The following PARM1 variants were observed in gnomAD, a reference collection of about 807,000 sequenced individuals.
PARM1 encodes prostate androgen-regulated mucin-like protein 1.
PARM1 carries 14 observed loss-of-function variants against 24.6 expected under a neutral mutation model. The observed-to-expected ratio is 0.57, with a 90% CI of 0.38 to 0.89. The LOEUF (loss-of-function observed/expected upper bound fraction) is 0.89, where lower values mean the gene tolerates loss of function less well. Among genes scored for constraint, PARM1 ranks in the 40% least tolerant of loss-of-function variants. The probability of loss-of-function intolerance (pLI) is 0.00; values close to 1 mark genes in which losing one functional copy is unlikely to be tolerated. For synonymous variants in PARM1, 179 were observed against 156.6 expected, an observed-to-expected ratio of 1.14 and a Z score of -1.07; for missense variants, 362 against 380.4, an observed-to-expected ratio of 0.95 and a Z score of 0.40.
In PARM1 at chr4:74,933,996, C is replaced by A. The variant is rs145059788; in HGVS notation, c.43+626C>A. On this transcript the variant is annotated intron_variant, in intron 1 of 3. Coordinates refer to ENST00000307428, the MANE Select transcript of PARM1 (RefSeq NM_015393.4). ...GGCTACCTTCTGCCCCAGAACTCCC[C>A]AAAAACGTATCCCATAGAAGAAACT... 3.4e-3 allele frequency among the ~76,000 whole-genome samples: 520 copies of A among 152,240 alleles called. 5 individuals are homozygous for A. Among genetic ancestry groups the A allele is most frequent in the African/African-American group, 0.012 (505 of 41,526 alleles).
At chr4:74,984,920 A>T (rs1056309988) in intron 1 of PARM1, among the ~76,000 whole-genome samples, 1 of 152,196 alleles carries the variant, frequency 6.6e-6, no homozygotes, top group African/African-American at 2.4e-5. Flanking sequence ...TTAGAGAAAA[A>T]GTTTGCCAAC....
intron 1 of PARM1, among the ~76,000 whole-genome samples, chr4:74,952,606 G>A (rs1433030854): frequency 6.6e-6 from 1 of 152,154 alleles, no homozygotes; most frequent in Non-Finnish European, 1.5e-5. Flanking sequence ...TTTTGTATAA[G>A]GTGTAAGGAA....
intron 1 of PARM1, among the ~76,000 whole-genome samples, chr4:75,002,430 T>C (rs1349357628): frequency 6.6e-6 from 1 of 152,082 alleles, no homozygotes; most frequent in Non-Finnish European, 1.5e-5. Context: ...ACTCAAAGAC[T>C]TTTTATCTTT....
At chr4:75,039,072 G>C (rs1274763523) in intron 3 of PARM1, among the ~76,000 whole-genome samples, 3 of 152,204 alleles carry the variant, frequency 2.0e-5, no homozygotes, top group African/African-American at 4.8e-5. Context: ...GGTTGTTAGA[G>C]TAGGCCCAGC....
At chr4:74,984,247 A>G (rs1159257736) in intron 1 of PARM1, among the ~76,000 whole-genome samples, 2 of 152,234 alleles carry the variant, frequency 1.3e-5, no homozygotes, top group African/African-American at 4.8e-5. Flanking sequence ...GTGGTCTAAA[A>G]ATTGAAAAGT....
chr4:75,028,583 A>G (rs1001873369), intron 2 of PARM1, among the ~76,000 whole-genome samples: 3 of 152,352 alleles, frequency 2.0e-5, no homozygotes, highest in Admixed American at 1.3e-4. Context: ...AGGCATGCAC[A>G]CATACTCAGG....
At chr4:74,934,996 CT>C (rs11392364) in intron 1 of PARM1, among the ~76,000 whole-genome samples, 91 of 116,544 alleles carry the variant, frequency 7.8e-4, no homozygotes, top group African/African-American at 2.8e-3. Flanking sequence ...GCTCTTTTTT[CT>C]TTTTTTTTTT....
At chr4:74,999,722 A>G (rs185951902) in intron 1 of PARM1, among the ~76,000 whole-genome samples, 35 of 152,298 alleles carry the variant, frequency 2.3e-4, no homozygotes, top group African/African-American at 6.5e-4. Context: ...ATGCCATTCT[A>G]ATGAATATGT....
Position 75,022,479 on chromosome 4 carries a change from CTATT to C in PARM1, c.769+9332_769+9335del, listed in dbSNP as rs376865235. The stretch of plus-strand genomic sequence containing the variant: ...GGTAATAAAATCAGCTATTTACTAT[CTATT>C]TAGTTTGTCATGTAGTAGCAATATA... On this transcript the variant is annotated intron_variant, in intron 2 of 3. Coordinates refer to ENST00000307428, the MANE Select transcript of PARM1 (RefSeq NM_015393.4). 1.7e-3 allele frequency among the ~76,000 whole-genome samples: 255 copies of C among 152,280 alleles called. 3 individuals carry two copies. Among genetic ancestry groups the C allele is most frequent in the African/African-American group, 6.0e-3 (249 of 41,550 alleles).
chr4:74,980,063 A>T (rs1722217636), intron 1 of PARM1, among the ~76,000 whole-genome samples: 1 of 152,194 alleles, frequency 6.6e-6, no homozygotes, highest in African/African-American at 2.4e-5. Context: ...GGCACAAGAC[A>T]AAATGCCTTC....
Position 74,944,024 on chromosome 4 carries a change from C to T in PARM1, c.43+10654C>T, listed in dbSNP as rs999034593. Among the ~76,000 whole-genome samples the T allele has an allele frequency of 2.0e-5, 3 of 152,120 alleles. No individual in the cohort carries two copies. The East Asian group carries it at 5.8e-4, about 29-fold the overall frequency. On this transcript the variant is annotated intron_variant, in intron 1 of 3. Coordinates refer to ENST00000307428, the MANE Select transcript of PARM1 (RefSeq NM_015393.4). ...GCAGAAGTCTTGCCTCAAATAAAAC[C>T]TGCACCTTAGCTGAGGTGGGGGAAG... is the stretch of plus-strand genomic sequence containing the variant.
chr4:75,021,302 TTC>T (rs1240362720), intron 2 of PARM1, among the ~76,000 whole-genome samples: 1 of 152,346 alleles, frequency 6.6e-6, no homozygotes, highest in East Asian at 1.9e-4. Context: ...CTAAAGGACT[TTC>T]TGCTGCCCAC....
At chr4:74,988,414 T>G (rs1200686347) in intron 1 of PARM1, among the ~76,000 whole-genome samples, 1 of 152,190 alleles carries the variant, frequency 6.6e-6, no homozygotes, top group Non-Finnish European at 1.5e-5. Flanking sequence ...CGCGTATCAG[T>G]ATACATATTT....
intron 1 of PARM1, among the ~76,000 whole-genome samples, chr4:74,936,514 C>T (rs1206397539): frequency 2.7e-5 from 4 of 148,780 alleles, no homozygotes; most frequent in Non-Finnish European, 4.5e-5. Context: ...AGTGCAGTGG[C>T]GCGATCTCAG....
chr4:75,030,215 T>C (rs1723249927), intron 2 of PARM1, among the ~76,000 whole-genome samples: 1 of 152,200 alleles, frequency 6.6e-6, no homozygotes, highest in Admixed American at 6.5e-5. Context: ...CTAAGAAAAG[T>C]TAATGATTAA....
intron 1 of PARM1, among the ~76,000 whole-genome samples, chr4:74,994,944 C>A (rs1430713778): frequency 6.6e-6 from 1 of 152,018 alleles, no homozygotes; most frequent in Non-Finnish European, 1.5e-5. Context: ...CTGTTGTTTC[C>A]TGGCGCTCAG....
chr4:74,999,042 T>G (rs951564662), intron 1 of PARM1: 1 of 152,310 alleles, frequency 6.6e-6, no homozygotes, highest in African/African-American at 2.4e-5. Context: ...GTACTGGGTC[T>G]CATAGACGAG....
intron 1 of PARM1, among the ~76,000 whole-genome samples, chr4:74,976,689 G>A (rs1722142730): frequency 6.6e-6 from 1 of 152,216 alleles, no homozygotes; most frequent in South Asian, 2.1e-4. Flanking sequence ...TTATACAGGA[G>A]TGTTCCTGCT....
intron 1 of PARM1, among the ~76,000 whole-genome samples, chr4:74,980,820 A>T (rs143539719): frequency 6.6e-6 from 1 of 152,196 alleles, no homozygotes; most frequent in Non-Finnish European, 1.5e-5. Flanking sequence ...AAGACCACAC[A>T]TCTACAACCA....
Sources: allele counts gnomAD v4.1 joint callset (sites outside exome capture counted in the v4.1 genomes callset), GRCh38; gene constraint gnomAD v4.1.1; transcripts MANE v1.5; gene names NCBI Gene and HGNC (gene_info 2026-07-23, HGNC 2026-07-21).